The following PHF24 variants were observed in gnomAD, a reference collection of about 807,000 sequenced individuals.
The protein encoded by PHF24 is PHD finger protein 24.
Under a neutral mutation model 42.6 loss-of-function variants are expected in PHF24, and 25 were observed. The observed-to-expected ratio is 0.59, with a 90% confidence interval of 0.43 to 0.82. The LOEUF is 0.82. Among genes scored for constraint, PHF24 ranks in the 40% least tolerant of loss-of-function variants. The probability of loss-of-function intolerance (pLI) is 0.00; values close to 1 mark genes in which losing one functional copy is unlikely to be tolerated. For missense variants in PHF24, 470 were observed against 538.1 expected, an observed-to-expected ratio of 0.87 and a Z score of 1.25; for synonymous variants, 185 against 204.8, an observed-to-expected ratio of 0.90 and a Z score of 0.83.
the PHF24 span, among the ~76,000 whole-genome samples, chr9:34,919,568 C>T: frequency 1.3e-5 from 2 of 151,950 alleles, no homozygotes; most frequent in Admixed American, 1.3e-4. Flanking sequence ...TCCAAACATT[C>T]CAATGATCTC....
At chr9:34,893,271 CTTG>C in the PHF24 span, 1 of 418,422 alleles carries the variant, frequency 2.4e-6, no homozygotes, top group Middle Eastern at 5.0e-4. Flanking sequence ...CCTACACTCT[CTTG>C]TTGTCTACCT....
chr9:34,709,274 G>A, the PHF24 span: 7 of 1,206,270 alleles, frequency 5.8e-6, no homozygotes, highest in Admixed American at 1.3e-4. Flanking sequence ...GTGTGGCAAG[G>A]CCAGCATGGG....
At chr9:34,718,189 G>A in the PHF24 span, among the ~76,000 whole-genome samples, 1 of 152,154 alleles carries the variant, frequency 6.6e-6, no homozygotes, top group South Asian at 2.1e-4. Context: ...ACACATTCTG[G>A]AAATCCCCTA....
the PHF24 span, chr9:34,832,387 G>C: frequency 7.1e-5 from 72 of 1,012,126 alleles, no homozygotes; most frequent in African/African-American, 7.6e-4. Context: ...GCAGAGCCAG[G>C]TTGTCTGGAG....
At chr9:34,677,389 G>GTTTT in the PHF24 span, among the ~76,000 whole-genome samples, 694 of 79,742 alleles carry the variant, frequency 8.7e-3, 80 homozygotes, top group African/African-American at 0.027. Context: ...TTTGTAAACT[G>GTTTT]TTTTTTTTTT....
At chr9:34,777,247 G>A in the PHF24 span, among the ~76,000 whole-genome samples, 1 of 152,108 alleles carries the variant, frequency 6.6e-6, no homozygotes, top group African/African-American at 2.4e-5. Flanking sequence ...GGGTGGGTGG[G>A]GAGGTTCTCA....
chr9:34,784,635 C>T, the PHF24 span, among the ~76,000 whole-genome samples: 10 of 152,280 alleles, frequency 6.6e-5, no homozygotes, highest in African/African-American at 2.2e-4. Flanking sequence ...ACTTATCTGA[C>T]GATTTCCACT....
chr9:34,947,483 A>C, the PHF24 span, among the ~76,000 whole-genome samples: 2 of 152,142 alleles, frequency 1.3e-5, no homozygotes, highest in South Asian at 2.1e-4. Context: ...ATAATAAATG[A>C]CTGTTACTGG....
At chr9:34,785,037 C>T in the PHF24 span, among the ~76,000 whole-genome samples, 66 of 152,206 alleles carry the variant, frequency 4.3e-4, no homozygotes, top group Non-Finnish European at 7.6e-4. Flanking sequence ...AGTCTGCTTG[C>T]GTTCCTGTAA....
the PHF24 span, among the ~76,000 whole-genome samples, chr9:34,803,878 C>T: frequency 6.6e-6 from 1 of 152,162 alleles, no homozygotes; most frequent in Non-Finnish European, 1.5e-5. Flanking sequence ...TAAAATTCTC[C>T]TAAGCTTAAA....
chr9:34,704,560 A>C, the PHF24 span, among the ~76,000 whole-genome samples: 1 of 152,096 alleles, frequency 6.6e-6, no homozygotes, highest in African/African-American at 2.4e-5. Flanking sequence ...ATGGCCAGGC[A>C]CAGTGGCTCA....
chr9:34,832,740 C>A, the PHF24 span: 1 of 1,549,128 alleles, frequency 6.5e-7, no homozygotes, highest in South Asian at 1.2e-5. Context: ...TAAAACTTGG[C>A]ATTGCAAAGT....
At chr9:34,763,124 G>A in the PHF24 span, among the ~76,000 whole-genome samples, 1 of 152,316 alleles carries the variant, frequency 6.6e-6, no homozygotes, top group Middle Eastern at 3.4e-3. Context: ...TTTGAAGTCA[G>A]GTAGCATGAT....
At chr9:34,784,714 G>T in the PHF24 span, among the ~76,000 whole-genome samples, 2 of 152,308 alleles carry the variant, frequency 1.3e-5, no homozygotes, top group African/African-American at 4.8e-5. Context: ...CCACATGAAT[G>T]CTGCCCAACT....
At chr9:34,790,928 A>C in the PHF24 span, among the ~76,000 whole-genome samples, 1 of 152,250 alleles carries the variant, frequency 6.6e-6, no homozygotes, top group African/African-American at 2.4e-5. Flanking sequence ...TGGACTGATA[A>C]TGTCATTAAG....
At chr9:34,823,846 G>A in the PHF24 span, among the ~76,000 whole-genome samples, 11 of 152,136 alleles carry the variant, frequency 7.2e-5, no homozygotes, top group Non-Finnish European at 1.5e-4. Flanking sequence ...TACCTGTGAT[G>A]ATGAATTCAG....
chr9:34,691,084 G>T, the PHF24 span: 1 of 1,605,164 alleles, frequency 6.2e-7, no homozygotes, highest in Non-Finnish European at 8.5e-7. Flanking sequence ...TCTCCCTTCA[G>T]CCTTACCTGG....
chr9:34,888,948 A>G, the PHF24 span: 4 of 396,970 alleles, frequency 1.0e-5, no homozygotes, highest in Admixed American at 8.8e-5. Flanking sequence ...ATGCTGACCC[A>G]TCTGAAATAA....
At chr9:34,768,754 C>T in the PHF24 span, among the ~76,000 whole-genome samples, 4 of 152,018 alleles carry the variant, frequency 2.6e-5, no homozygotes, top group South Asian at 2.1e-4. Context: ...GAGTGAGCAA[C>T]ACAACTGGAA....
Sources: gnomAD v4.1 joint callset for allele counts (sites outside exome capture counted in the v4.1 genomes callset) on GRCh38, gnomAD v4.1.1 for gene constraint, MANE v1.5 for transcripts, NCBI Gene and HGNC (gene_info 2026-07-23, HGNC 2026-07-21) for gene names.